PJA2: variants seen among roughly 807,000 people sequenced by gnomAD.
PJA2 encodes the protein E3 ubiquitin-protein ligase Praja-2.
PJA2 carries 25 observed loss-of-function variants against 69.3 expected under a neutral mutation model. The ratio of observed to expected loss-of-function variants is 0.36; its 90% CI spans 0.26 to 0.50. PJA2 has a LOEUF of 0.50. PJA2 is among the 20% of genes least tolerant of loss of function. PJA2 has a pLI of 0.96. For missense variants in PJA2, 809 were observed against 830.2 expected, an observed-to-expected ratio of 0.97 and a Z score of 0.31; for synonymous variants, 308 against 277.8, an observed-to-expected ratio of 1.11 and a Z score of -1.08.
rs762462666 is a variant in PJA2, at chr5:109,368,721, A to G, written c.1309T>C (p.Ser437Pro). Residue 437 changes from serine (S) to proline (P), a missense_variant, in exon 5 of 10, where the codon TCT becomes CCT. By Grantham distance (74) the Ser-to-Pro change is moderately conservative. Transcript: ENST00000361189. ...DSSECSDGEW[S>P]ASLPHRFSGT... ...GAAAATCGATGAGGCAAAGAAGCAG[A>G]CCATTCCCCATCACTGCATTCAGAA... The G allele has an allele frequency of 6.2e-7, 1 of 1,613,786 alleles. No homozygotes were observed. The highest frequency in any genetic ancestry group is 2.2e-5 in the East Asian group (1 of 44,870).
intron 1 of PJA2, among the ~76,000 whole-genome samples, chr5:109,386,280 C>G (rs758437673): frequency 1.1e-4 from 17 of 152,122 alleles, no homozygotes; most frequent in Admixed American, 9.8e-4. Flanking sequence ...TTAGGCAGAA[C>G]TGATCGTGCC....
chr5:109,370,794 T>C (rs1372412674), intron 4 of PJA2, among the ~76,000 whole-genome samples: 1 of 152,164 alleles, frequency 6.6e-6, no homozygotes, highest in Non-Finnish European at 1.5e-5. Flanking sequence ...AGGGTAAGAT[T>C]TCTATATAAA....
intron 4 of PJA2, among the ~76,000 whole-genome samples, chr5:109,377,916 CATTTT>C (rs942681174): frequency 6.6e-6 from 1 of 152,130 alleles, no homozygotes; most frequent in African/African-American, 2.4e-5. Flanking sequence ...GTTTATTTTA[CATTTT>C]ATTAATTGAA....
At chr5:109,356,586 TTCCCACATATTTC>T in intron 6 of PJA2, among the ~76,000 whole-genome samples, 1 of 152,184 alleles carries the variant, frequency 6.6e-6, no homozygotes, top group East Asian at 1.9e-4. Flanking sequence ...ACCCGATTAT[TTCCCACATATTTC>T]TCCTGTTTTT....
chr5:109,388,116 G>A (rs918530638), intron 1 of PJA2, among the ~76,000 whole-genome samples: 2 of 152,034 alleles, frequency 1.3e-5, no homozygotes, highest in African/African-American at 4.8e-5. Flanking sequence ...GCAAGAATAG[G>A]GTAATAAAAG....
rs1338313551 is a variant in PJA2 at position 109,352,992 on chromosome 5, GATATCTATATATTAGATACCTA to G, written c.1764+2901_1764+2922del. ...TATATATTAGATACCTATATCTATA[GATATCTATATATTAGATACCTA>G]TATCTATAGATATCTATATATTAGA... On this transcript the variant is annotated intron_variant, in intron 7 of 9. Coordinates refer to ENST00000361189, the MANE Select transcript of PJA2 (RefSeq NM_014819.5). Among the ~76,000 whole-genome samples the G allele has an allele frequency of 9.3e-4, 34 of 36,668 alleles. 2 individuals carry two copies. Among genetic ancestry groups the G allele is most frequent in the East Asian group, 2.8e-3 (7 of 2,464 alleles). The allele number at this position is 36,668 out of a possible 152,430, so 24.1% of individuals were successfully genotyped here.
intron 5 of PJA2, 52 bp from the exon 6 acceptor site, chr5:109,363,074 T>G (rs1213032179): frequency 1.4e-6 from 2 of 1,437,256 alleles, no homozygotes; most frequent in Admixed American, 3.8e-5. Context: ...AAACATACCA[T>G]AACACTGTCT....
intron 7 of PJA2, among the ~76,000 whole-genome samples, chr5:109,355,501 T>A (rs1490988861): frequency 1.3e-5 from 2 of 152,168 alleles, no homozygotes; most frequent in East Asian, 1.9e-4. Context: ...AGGAGCAAAT[T>A]TCCTAACTGC....
chr5:109,381,796 A>C lies in PJA2; in HGVS notation c.32-93T>G, dbSNP rs1400751594. The C allele has an allele frequency of 5.0e-6, 5 of 1,004,236 alleles. No homozygotes were observed. In the East Asian group the frequency reaches 1.3e-4, roughly 26 times the overall value. 62.2% of individuals were successfully genotyped at this position (1,004,236 alleles called of 1,614,324 possible). A position where few individuals can be genotyped will look rare whatever the true frequency, so the allele number is the denominator to read the frequency against. On this transcript the variant is annotated intron_variant, in intron 2 of 9. Coordinates refer to ENST00000361189, the MANE Select transcript of PJA2 (RefSeq NM_014819.5). ...AAACTACTTCAGTTTATATTTTATT[A>C]TTTATCAAATCATATGCTTCTGAAC...
chr5:109,379,289 G>C, intron 3 of PJA2, 35 bp from the exon 4 acceptor site: 1 of 1,406,834 alleles, frequency 7.1e-7, no homozygotes, highest in Non-Finnish European at 9.6e-7. Context: ...TATTTTAAAG[G>C]ATTAACTTAG....
rs60762036 is a variant in PJA2 at position 109,347,744 on chromosome 5, T to C, written c.1765-2925A>G. 4.7e-3 allele frequency among the ~76,000 whole-genome samples: 720 copies of C among 152,320 alleles called. 41 individuals carry two copies. The East Asian group carries it at 0.11, about 24-fold the overall frequency. The stretch of plus-strand genomic sequence containing the variant: ...CTCTCAGCCTTAGACAGGAGGGAAG[T>C]AGAGTGCTCCATCTCAGCCCTAAAG... On this transcript the variant is annotated intron_variant, in intron 7 of 9. Coordinates refer to ENST00000361189, the MANE Select transcript of PJA2 (RefSeq NM_014819.5).
intron 1 of PJA2, among the ~76,000 whole-genome samples, chr5:109,400,896 T>C (rs535175823): frequency 6.6e-6 from 1 of 152,240 alleles, no homozygotes; most frequent in East Asian, 1.9e-4. Context: ...GGCAGGAGAC[T>C]GGCATGAACC....
intron 7 of PJA2, among the ~76,000 whole-genome samples, chr5:109,354,486 A>T (rs1257396650): frequency 1.4e-5 from 2 of 137,968 alleles, no homozygotes; most frequent in African/African-American, 2.7e-5. Context: ...TATAGATTAG[A>T]TATCTATAAT....
At chr5:109,339,308 G>C (rs928912302) in intron 9 of PJA2, among the ~76,000 whole-genome samples, 1 of 152,176 alleles carries the variant, frequency 6.6e-6, no homozygotes, top group Non-Finnish European at 1.5e-5. Flanking sequence ...AGGAAGAGGC[G>C]AAGATGATGA....
At chr5:109,364,334 T>G (rs188684946) in intron 5 of PJA2, among the ~76,000 whole-genome samples, 6 of 152,184 alleles carry the variant, frequency 3.9e-5, no homozygotes, top group Admixed American at 3.9e-4. Context: ...TATAAAAATT[T>G]CAGTGTCGGC....
In PJA2 at chr5:109,363,181, A is replaced by T. The variant is rs1561350112; in HGVS notation, c.1470-159T>A. On this transcript the variant is annotated intron_variant, in intron 5 of 9. Transcript: ENST00000361189. The stretch of plus-strand genomic sequence containing the variant: ...GTCTTCCTTAACTGCAGAATTATGT[A>T]AAAAAAGGAAAGAAATCAGTTATAG... Among the ~76,000 whole-genome samples, 2 of 143,178 alleles carry T rather than the reference A, an allele frequency of 1.4e-5. 1 individual carries two copies. Among genetic ancestry groups the T allele is most frequent in the South Asian group, 4.3e-4 (2 of 4,684 alleles). The allele number at this position is 143,178 out of a possible 152,430, so 93.9% of individuals were successfully genotyped here.
At chr5:109,383,196 T>C (rs1747090103) in intron 2 of PJA2, among the ~76,000 whole-genome samples, 1 of 152,182 alleles carries the variant, frequency 6.6e-6, no homozygotes, top group South Asian at 2.1e-4. Flanking sequence ...CTTTCCAAGC[T>C]AAATGGGTAT....
At chr5:109,396,413 T>C (rs1383008092) in intron 1 of PJA2, among the ~76,000 whole-genome samples, 1 of 147,036 alleles carries the variant, frequency 6.8e-6, no homozygotes, top group Non-Finnish European at 1.5e-5. Flanking sequence ...CTACTTAACA[T>C]GTAAAGTTCT....
chr5:109,405,417 G>A (rs1285177719), intron 1 of PJA2, among the ~76,000 whole-genome samples: 3 of 152,042 alleles, frequency 2.0e-5, no homozygotes, highest in African/African-American at 4.8e-5. Flanking sequence ...AAACCAACAC[G>A]CAGCCTCTAA....
Sources: gnomAD v4.1 joint callset for allele counts (sites outside exome capture counted in the v4.1 genomes callset) on GRCh38, gnomAD v4.1.1 for gene constraint, MANE v1.5 for transcripts, NCBI Gene and HGNC (gene_info 2026-07-23, HGNC 2026-07-21) for gene names.